The following MTHFSD variants were observed in gnomAD, a reference collection of about 807,000 sequenced individuals.
MTHFSD encodes the protein methenyltetrahydrofolate synthetase domain containing.
In MTHFSD, 37 loss-of-function variants were observed where a neutral mutation model predicts 31.1. That is an observed-to-expected ratio of 1.19 (90% CI 0.91 to 1.56). MTHFSD has a LOEUF of 1.56. Ranked by LOEUF, MTHFSD falls within the 40% of genes most tolerant of loss-of-function variation. MTHFSD has a pLI of 0.00. For missense variants in MTHFSD, 664 were observed against 510.1 expected (o/e 1.30, Z -2.91); for synonymous variants, 221 against 206.9 (o/e 1.07, Z -0.59).
At chr16:86,536,776 G>A (rs1388193132) in intron 7 of MTHFSD, among the ~76,000 whole-genome samples, 1 of 152,262 alleles carries the variant, frequency 6.6e-6, no homozygotes, top group Non-Finnish European at 1.5e-5. Flanking sequence ...GAGGCCCGCG[G>A]GAGTGGCTGC....
intron 2 of MTHFSD, among the ~76,000 whole-genome samples, chr16:86,552,700 G>A (rs945899212): frequency 6.6e-6 from 1 of 151,830 alleles, no homozygotes; most frequent in South Asian, 2.1e-4. Context: ...CTCTCTCTGG[G>A]GTCAGAAGCA....
At chr16:86,539,454 C>T (rs1462751150) in intron 7 of MTHFSD, among the ~76,000 whole-genome samples, 1 of 152,226 alleles carries the variant, frequency 6.6e-6, no homozygotes, top group Non-Finnish European at 1.5e-5. Flanking sequence ...GGCCATGCTC[C>T]CAAGCATCGT....
rs988954373 is a variant in MTHFSD at position 86,555,194 on chromosome 16, G to A, written c.-10C>T. On this transcript the variant is annotated 5_prime_UTR_variant, in exon 1 of 8. Coordinates refer to ENST00000360900, the MANE Select transcript of MTHFSD (RefSeq NM_001159377.2). ...CTGCCCTCGGCTCCATGGTGATGCAGTCGCTGTGCGACGCTTCCCGGCGCA... is the reference window on the plus strand; with the variant it reads ...CTGCCCTCGGCTCCATGGTGATGCAATCGCTGTGCGACGCTTCCCGGCGCA... 45 of 1,536,886 alleles carry A rather than the reference G, an allele frequency of 2.9e-5. No homozygotes were observed. Among genetic ancestry groups the A allele is most frequent in the Non-Finnish European group, 3.8e-5 (44 of 1,146,574 alleles).
In MTHFSD at chr16:86,546,553, T is replaced by C. The variant is rs751821858; in HGVS notation, c.442+6A>G. The stretch of plus-strand genomic sequence containing the variant: ...ACACTCAAGGGTTCCCATCTGCTAG[T>C]CTTACCTTTTTCAGAAACGGCGACG... On this transcript the variant is annotated splice_donor_region_variant and intron_variant, in intron 5 of 7. Transcript: ENST00000360900. 4.3e-6 allele frequency: 7 copies of C among 1,613,300 alleles called. No homozygotes were observed. The Admixed American group carries it at 5.0e-5, about 12-fold the overall frequency.
At chr16:86,536,878 A>T (rs1001282173) in intron 7 of MTHFSD, among the ~76,000 whole-genome samples, 2 of 152,218 alleles carry the variant, frequency 1.3e-5, no homozygotes, top group Non-Finnish European at 2.9e-5. Context: ...GGAGAAGAGC[A>T]GCCGCGTGGT....
At chr16:86,546,138 C>T (rs1159009464) in intron 5 of MTHFSD, among the ~76,000 whole-genome samples, 1 of 152,010 alleles carries the variant, frequency 6.6e-6, no homozygotes, top group Non-Finnish European at 1.5e-5. Context: ...TCAGGAGTCT[C>T]GGACACACCG....
rs771136144 is a variant in MTHFSD at position 86,548,547 on chromosome 16, G to C, written c.268C>G (p.Arg90Gly). The C allele has an allele frequency of 9.3e-6, 15 of 1,612,578 alleles. No individual in the cohort carries two copies. Among genetic ancestry groups the C allele is most frequent in the Non-Finnish European group, 1.3e-5 (15 of 1,179,626 alleles). ...TTATTAAACAATCCCGTTCTCAGTCGTGGTGTTGGAACCAACAATGTTTTT... is the reference window on the plus strand; with the variant it reads ...TTATTAAACAATCCCGTTCTCAGTCCTGGTGTTGGAACCAACAATGTTTTT... ...SKKTLLVPTP[R>G]LRTGLFNKIT... The change falls in exon 4 of 8, where the codon CGA (arginine) becomes GGA (glycine). Residue 90 changes from arginine to glycine, a missense_variant. By Grantham distance (125) the Arg-to-Gly change is moderately radical. Coordinates refer to ENST00000360900, the MANE Select transcript of MTHFSD (RefSeq NM_001159377.2).
Position 86,554,717 on chromosome 16 carries a change from A to T in MTHFSD, c.51T>A (p.Ile17=). 2 of 1,614,214 alleles carry T rather than the reference A, an allele frequency of 1.2e-6. No individual in the cohort carries two copies. The highest frequency in any genetic ancestry group is 1.7e-6 in the Non-Finnish European group (2 of 1,180,018). The change falls in exon 2 of 8, where the codon ATT becomes ATA. Residue 17 remains isoleucine, a synonymous_variant. Coordinates refer to ENST00000360900, the MANE Select transcript of MTHFSD (RefSeq NM_001159377.2). ...AATTTTGTGATTCCATGTAGCCCCA[A>T]ATTTGTTCACGTATGTCCTGTTTGG... ...GVSKQDIREQ[I]WGYMESQNLA...
intron 2 of MTHFSD, among the ~76,000 whole-genome samples, chr16:86,552,944 C>A (rs930476923): frequency 6.6e-6 from 1 of 152,062 alleles, no homozygotes; most frequent in Non-Finnish European, 1.5e-5. Flanking sequence ...GGAAAATAGG[C>A]ATGTCAAAGA....
intron 7 of MTHFSD, among the ~76,000 whole-genome samples, chr16:86,540,536 C>T (rs923548085): frequency 1.3e-5 from 2 of 152,224 alleles, no homozygotes; most frequent in African/African-American, 4.8e-5. Flanking sequence ...TTCTATGACG[C>T]GCAGGCCTAG....
intron 7 of MTHFSD, chr16:86,540,931 G>A: frequency 8.8e-7 from 1 of 1,136,786 alleles, no homozygotes; most frequent in Non-Finnish European, 1.1e-6. Flanking sequence ...GGCAAAAGCA[G>A]CAGGTATTCT....
At chr16:86,543,307 G>A (rs1405581159) in intron 5 of MTHFSD, among the ~76,000 whole-genome samples, 5 of 152,152 alleles carry the variant, frequency 3.3e-5, no homozygotes, top group Non-Finnish European at 5.9e-5. Flanking sequence ...GTTGAGGGCC[G>A]AAAGTGAGCG....
Position 86,542,456 on chromosome 16 carries a change from ACTGGACCGTT to A in MTHFSD, c.443-253_443-244del. ...GTGGTGAAACTACAATGACGTGAACACTGGACCGTTCAAGCATGTCACAAAGGGAAACAGA... is the reference window on the plus strand; with the variant it reads ...GTGGTGAAACTACAATGACGTGAACACAAGCATGTCACAAAGGGAAACAGA... On this transcript the variant is annotated intron_variant, in intron 5 of 7. Transcript: ENST00000360900. This position sits in a 1 kb window ranked among gnomAD's most constrained non-coding sequence, Gnocchi z 4.6. The A allele has an allele frequency of 1.9e-6, 1 of 517,782 alleles. No homozygotes were observed. The highest frequency in any genetic ancestry group is 3.4e-6 in the Non-Finnish European group (1 of 290,476). 32.1% of individuals were successfully genotyped at this position (517,782 alleles called of 1,614,324 possible). A position where few individuals can be genotyped will look rare whatever the true frequency, so the allele number is the denominator to read the frequency against.
Position 86,542,475 on chromosome 16 carries a change from T to A in MTHFSD, c.443-262A>T. On this transcript the variant is annotated intron_variant, in intron 5 of 7. Coordinates refer to ENST00000360900, the MANE Select transcript of MTHFSD (RefSeq NM_001159377.2). This position sits in a 1 kb window ranked among gnomAD's most constrained non-coding sequence, Gnocchi z 4.6. Reference sequence around the variant, plus strand: ...GTGAACACTGGACCGTTCAAGCATGTCACAAAGGGAAACAGATCACACTCA... The same window carrying A: ...GTGAACACTGGACCGTTCAAGCATGACACAAAGGGAAACAGATCACACTCA... 7.1e-6 allele frequency: 3 copies of A among 422,260 alleles called. No homozygotes were observed. Among genetic ancestry groups the A allele is most frequent in the Admixed American group, 4.2e-5 (1 of 23,968 alleles). 26.2% of individuals were successfully genotyped at this position (422,260 alleles called of 1,614,324 possible). A position where few individuals can be genotyped will look rare whatever the true frequency, so the allele number is the denominator to read the frequency against.
Position 86,548,096 on chromosome 16 carries a change from G to T in MTHFSD, c.351+368C>A, listed in dbSNP as rs760696691. On this transcript the variant is annotated intron_variant, in intron 4 of 7. Transcript: ENST00000360900. ...TTGGAAATTCTATCCTGTCTCCCCA[G>T]TCGCTCTGGTGGCACCTGATGAACA... The T allele has an allele frequency of 3.1e-6, 4 of 1,293,168 alleles. No individual in the cohort carries two copies. The African/African-American group carries it at 4.5e-5, about 15-fold the overall frequency. 80.1% of individuals were successfully genotyped at this position (1,293,168 alleles called of 1,614,324 possible). A position where few individuals can be genotyped will look rare whatever the true frequency, so the allele number is the denominator to read the frequency against.
Position 86,541,757 on chromosome 16 carries a change from TG to T in MTHFSD, c.620del (p.Pro207GlnfsTer26), listed in dbSNP as rs1567539511. On this transcript the variant is annotated frameshift_variant, in exon 7 of 8. Coordinates refer to ENST00000360900, the MANE Select transcript of MTHFSD (RefSeq NM_001159377.2). LOFTEE classifies it high-confidence loss of function. Reference protein sequence around the residue: ...HDITVDYILTPTRVIATGCKR... With the variant: ...HDITVDYILTXTRVIATGCKR... ...TGCAGCCTGTGGCGATGACTCTGGT[TG>T]GAGTGAGGATGTAGTCCACAGTGAT... 6.2e-7 allele frequency: 1 copy of T among 1,614,182 alleles called. No individual in the cohort carries two copies. The highest frequency in any genetic ancestry group is 1.6e-4 in the Middle Eastern group (1 of 6,062).
In MTHFSD at chr16:86,530,572, G is replaced by C. The variant is rs1413084416; in HGVS notation, c.*1439C>G. On this transcript the variant is annotated 3_prime_UTR_variant, in exon 8 of 8. Coordinates refer to ENST00000360900, the MANE Select transcript of MTHFSD (RefSeq NM_001159377.2). ...GGCTGACTCACTTGCTCTTCTCCTGGAGTTGCTATTCTAACGGCAGCAAAT... is the reference window on the plus strand; with the variant it reads ...GGCTGACTCACTTGCTCTTCTCCTGCAGTTGCTATTCTAACGGCAGCAAAT... 1 of 151,300 alleles carries C rather than the reference G, an allele frequency of 6.6e-6. No homozygotes were observed. Among genetic ancestry groups the C allele is most frequent in the African/African-American group, 2.4e-5 (1 of 41,006 alleles). The allele number at this position is 151,300 out of a possible 1,614,324, so 9.4% of individuals were successfully genotyped here.
In MTHFSD at chr16:86,547,108, A is replaced by G. The variant is rs1437236067; in HGVS notation, c.352-459T>C. ...GGACCAGTGTTGGAATTAAATAACA[A>G]AACGTATGCATTTAGCACATAAGAC... is the stretch of plus-strand genomic sequence containing the variant. On this transcript the variant is annotated intron_variant, in intron 4 of 7. Coordinates refer to ENST00000360900, the MANE Select transcript of MTHFSD (RefSeq NM_001159377.2). 1.1e-5 allele frequency: 10 copies of G among 937,630 alleles called. No individual in the cohort carries two copies. In the East Asian group the frequency reaches 9.4e-4, roughly 88 times the overall value. The allele number at this position is 937,630 out of a possible 1,614,324, so 58.1% of individuals were successfully genotyped here. A position where few individuals can be genotyped will look rare whatever the true frequency, so the allele number is the denominator to read the frequency against.
chr16:86,534,704 C>T (rs1486271402), intron 7 of MTHFSD, among the ~76,000 whole-genome samples: 1 of 152,110 alleles, frequency 6.6e-6, no homozygotes, highest in Non-Finnish European at 1.5e-5. Context: ...ATTGCAATGA[C>T]AGAAAAAGTG....
Sources: allele counts gnomAD v4.1 joint callset (sites outside exome capture counted in the v4.1 genomes callset), GRCh38; gene constraint gnomAD v4.1.1; non-coding constraint Gnocchi (gnomAD v3.1); transcripts MANE v1.5; gene names NCBI Gene and HGNC (gene_info 2026-07-23, HGNC 2026-07-21).